Variants in ARID3B observed in about 807,000 individuals in gnomAD.
ARID3B encodes AT-rich interaction domain 3B.
ARID3B carries 10 observed loss-of-function variants against 51.9 expected under a neutral mutation model. That is an observed-to-expected ratio of 0.19 (90% CI 0.12 to 0.33). The LOEUF (loss-of-function observed/expected upper bound fraction) is 0.33, where lower values mean the gene tolerates loss of function less well. Among genes scored for constraint, ARID3B ranks in the 10% least tolerant of loss-of-function variants. ARID3B has a pLI of 1.00. For synonymous variants in ARID3B, 205 were observed against 279.5 expected (o/e 0.73, Z 2.66); for missense variants, 483 against 716.3 (o/e 0.67, Z 3.72).
rs374538596 is a variant in ARID3B at position 74,579,828 on chromosome 15, CGTGTGTGTGTGTGTGTGTGTGT to C, written c.697+6648_697+6669del. ...ATGCCCCTTTGGGCTCACCTGTTGCCGTGTGTGTGTGTGTGTGTGTGTGTGTGTGTGTGTGTGTGTGTGTGCG... is the reference window on the plus strand; with the variant it reads ...ATGCCCCTTTGGGCTCACCTGTTGCCGTGTGTGTGTGTGTGTGTGTGTGCG... On this transcript the variant is annotated intron_variant, in intron 4 of 8. Coordinates refer to ENST00000346246, the MANE Select transcript of ARID3B (RefSeq NM_006465.4). Among the ~76,000 whole-genome samples the C allele has an allele frequency of 8.2e-3, 1,126 of 137,858 alleles. 38 individuals are homozygous for C. In the East Asian group the frequency reaches 0.13, roughly 16 times the overall value. The allele number at this position is 137,858 out of a possible 152,430, so 90.4% of individuals were successfully genotyped here.
intron 4 of ARID3B, among the ~76,000 whole-genome samples, chr15:74,582,447 C>T (rs145579659): frequency 6.6e-6 from 1 of 152,082 alleles, no homozygotes; most frequent in Non-Finnish European, 1.5e-5. Context: ...GAATTACAGG[C>T]GTGAGCCACC....
intron 1 of ARID3B, among the ~76,000 whole-genome samples, chr15:74,541,779 G>A (rs2061596345): frequency 6.6e-6 from 1 of 152,126 alleles, no homozygotes; most frequent in Admixed American, 6.6e-5. Context: ...GCAGGGGAAT[G>A]GTCAGCAGGC....
At chr15:74,571,736 G>T (rs2061719690) in intron 2 of ARID3B, among the ~76,000 whole-genome samples, 1 of 152,232 alleles carries the variant, frequency 6.6e-6, no homozygotes, top group African/African-American at 2.4e-5. Context: ...TAAGCTAGAA[G>T]TGAACAGAGA....
Position 74,544,139 on chromosome 15 carries a change from C to A in ARID3B, c.203C>A (p.Pro68His). ...CCTTCTGGCAGCACTCCCTTAGGTC[C>A]CTTAGCCAGAGTTCCACCCACCGCA... ...GRPSGSTPLG[P>H]LARVPPTAAV... Residue 68 changes from proline to histidine, a missense_variant, in exon 2 of 9, where the codon CCC becomes CAC. Around this residue, in one of 3 missense-constraint regions of ARID3B, gnomAD observed 182 missense variants for 244.5 expected, o/e 0.74. Coordinates refer to ENST00000346246, the MANE Select transcript of ARID3B (RefSeq NM_006465.4). 1 of 1,613,880 alleles carries A rather than the reference C, an allele frequency of 6.2e-7. No homozygotes were observed. The highest frequency in any genetic ancestry group is 8.5e-7 in the Non-Finnish European group (1 of 1,179,838).
rs1212784398 is a variant in ARID3B at position 74,591,383 on chromosome 15, G to A, written c.1114G>A (p.Gly372Ser). 1 of 1,613,930 alleles carries A rather than the reference G, an allele frequency of 6.2e-7. No individual in the cohort carries two copies. The highest frequency in any genetic ancestry group is 8.5e-7 in the Non-Finnish European group (1 of 1,179,860). Reference sequence around the variant, plus strand: ...CATCCTTGGGCTTGGCTCCAGCAGTGGTACCAATACCAGTAGCCCTCGGAT... The same window carrying A: ...CATCCTTGGGCTTGGCTCCAGCAGTAGTACCAATACCAGTAGCCCTCGGAT... ...FPILGLGSSSGTNTSSPRISP... is the reference protein window; with the variant it reads ...FPILGLGSSSSTNTSSPRISP... The change falls in exon 6 of 9, where the codon GGT (glycine) becomes AGT (serine). Residue 372 changes from glycine to serine, a missense_variant. By Grantham distance (56) the Gly-to-Ser change is moderately conservative. Transcript: ENST00000346246. This position sits in a 1 kb window ranked among gnomAD's most constrained non-coding sequence, Gnocchi z 5.8.
chr15:74,580,749 T>A (rs2061759066), intron 4 of ARID3B, among the ~76,000 whole-genome samples: 1 of 152,214 alleles, frequency 6.6e-6, no homozygotes, highest in Admixed American at 6.5e-5. Context: ...ACTTGTTCCC[T>A]AGAGCTAGCA....
intron 4 of ARID3B, among the ~76,000 whole-genome samples, chr15:74,582,396 G>A (rs1011224367): frequency 6.6e-6 from 1 of 152,054 alleles, no homozygotes; most frequent in African/African-American, 2.4e-5. Context: ...TCAAACTCCC[G>A]ACCTCAGGTG....
chr15:74,593,117 C>T (rs752452059), intron 7 of ARID3B, 21 bp from the exon 8 acceptor site: 67 of 1,609,700 alleles, frequency 4.2e-5, no homozygotes, highest in Non-Finnish European at 5.6e-5. Flanking sequence ...ACCAGGCCCA[C>T]TGTCTCCCTG....
intron 2 of ARID3B, among the ~76,000 whole-genome samples, chr15:74,559,544 T>C (rs1460005235): frequency 6.6e-6 from 1 of 152,218 alleles, no homozygotes; most frequent in Non-Finnish European, 1.5e-5. Flanking sequence ...GTGTTTGTTT[T>C]ATTTACAGAT....
chr15:74,596,883 G>A lies in ARID3B; in HGVS notation c.*1109G>A, dbSNP rs1277199464. On this transcript the variant is annotated 3_prime_UTR_variant, in exon 9 of 9. Transcript: ENST00000346246. ...AGCCAAGCAAGTGATTGGGTAACCCGGCCCCTCTGGCCCTTCCCTCAAGCC... is the reference window on the plus strand; with the variant it reads ...AGCCAAGCAAGTGATTGGGTAACCCAGCCCCTCTGGCCCTTCCCTCAAGCC... 4.7e-5 allele frequency: 11 copies of A among 233,366 alleles called. No homozygotes were observed. Among genetic ancestry groups the A allele is most frequent in the Non-Finnish European group, 7.6e-5 (9 of 117,932 alleles). The allele number at this position is 233,366 out of a possible 1,614,324, so 14.5% of individuals were successfully genotyped here.
chr15:74,566,647 G>A (rs913136839), intron 2 of ARID3B, among the ~76,000 whole-genome samples: 2 of 151,774 alleles, frequency 1.3e-5, no homozygotes, highest in Admixed American at 6.6e-5. Flanking sequence ...GAAGGTGTCC[G>A]TTCTATGAGA....
intron 2 of ARID3B, among the ~76,000 whole-genome samples, chr15:74,558,340 A>G (rs1489237131): frequency 1.3e-5 from 2 of 151,860 alleles, no homozygotes; most frequent in Admixed American, 6.6e-5. Flanking sequence ...TTAATTTTCT[A>G]ATTTCTAATT....
chr15:74,575,906 T>C (rs747415498), intron 4 of ARID3B, among the ~76,000 whole-genome samples: 4 of 152,152 alleles, frequency 2.6e-5, no homozygotes, highest in Non-Finnish European at 5.9e-5. Flanking sequence ...GGATTTTGTT[T>C]TTAATTTTGA....
At chr15:74,564,210 A>G (rs1482411548) in intron 2 of ARID3B, among the ~76,000 whole-genome samples, 1 of 152,184 alleles carries the variant, frequency 6.6e-6, no homozygotes, top group Non-Finnish European at 1.5e-5. Flanking sequence ...TTATAACAGT[A>G]TCTGTTTTAC....
At chr15:74,571,029 C>T (rs1186196633) in intron 2 of ARID3B, among the ~76,000 whole-genome samples, 1 of 152,256 alleles carries the variant, frequency 6.6e-6, no homozygotes, top group East Asian at 1.9e-4. Context: ...ATACACACAT[C>T]TTTTACTAGA....
chr15:74,577,429 T>G (rs927399839), intron 4 of ARID3B, among the ~76,000 whole-genome samples: 6 of 152,088 alleles, frequency 3.9e-5, no homozygotes, highest in African/African-American at 1.2e-4. Flanking sequence ...CACTCCAGCC[T>G]GGGTGACGAG....
intron 2 of ARID3B, among the ~76,000 whole-genome samples, chr15:74,548,294 G>C (rs1242023737): frequency 6.6e-6 from 1 of 152,182 alleles, no homozygotes; most frequent in Admixed American, 6.5e-5. Context: ...GAGCCCATTG[G>C]TAGAGCTAGG....
chr15:74,574,137 G>A (rs535808215), intron 4 of ARID3B: 16 of 152,328 alleles, frequency 1.1e-4, no homozygotes, highest in Admixed American at 8.5e-4. Flanking sequence ...TGTAGACTAT[G>A]GTGTGACTGA....
At chr15:74,560,578 C>T (rs973208167) in intron 2 of ARID3B, among the ~76,000 whole-genome samples, 11 of 152,076 alleles carry the variant, frequency 7.2e-5, no homozygotes, top group Admixed American at 7.2e-4. Context: ...TGAATAGGTG[C>T]TCATGAAAAT....
Sources: allele counts gnomAD v4.1 joint callset (sites outside exome capture counted in the v4.1 genomes callset), GRCh38; gene constraint gnomAD v4.1.1; regional missense constraint gnomAD v4.1.1; non-coding constraint Gnocchi (gnomAD v3.1); transcripts MANE v1.5; gene names NCBI Gene and HGNC (gene_info 2026-07-23, HGNC 2026-07-21).